Variants in RNF17 observed in about 807,000 individuals in gnomAD.
RNF17 encodes ring finger protein 17, also known as spermatogenesis associated 23.
A neutral mutation model predicts 200.5 loss-of-function variants in RNF17; 31 were observed. The ratio of observed to expected loss-of-function variants is 0.15; its 90% CI spans 0.12 to 0.21. The LOEUF (loss-of-function observed/expected upper bound fraction) is 0.21. RNF17 is among the 10% of genes least tolerant of loss of function. The probability of loss-of-function intolerance (pLI) is 1.00; values close to 1 mark genes in which losing one functional copy is unlikely to be tolerated. For synonymous variants in RNF17, 606 were observed against 637.8 expected, an observed-to-expected ratio of 0.95 and a Z score of 0.75; for missense variants, 1,628 against 1,905.1, an observed-to-expected ratio of 0.85 and a Z score of 2.71.
intron 6 of RNF17, among the ~76,000 whole-genome samples, chr13:24,784,312 CT>C (rs1334245547): frequency 6.6e-6 from 1 of 152,182 alleles, no homozygotes; most frequent in Non-Finnish European, 1.5e-5. Flanking sequence ...ATAAATGATA[CT>C]GCTCTACAGT....
At chr13:24,832,099 TTTG>T (rs1889476711) in intron 18 of RNF17, 121 bp downstream of exon 18, 2 of 681,638 alleles carry the variant, frequency 2.9e-6, no homozygotes, top group Admixed American at 3.3e-5. Flanking sequence ...AGAGATAAGA[TTTG>T]TTGAGAATTA....
intron 15 of RNF17, among the ~76,000 whole-genome samples, chr13:24,809,994 T>G (rs1886394534): frequency 6.6e-6 from 1 of 152,222 alleles, no homozygotes; most frequent in Admixed American, 6.5e-5. Flanking sequence ...GATTGCACTG[T>G]CATCTGAGAG....
chr13:24,767,702 T>A (rs564310880), intron 2 of RNF17, among the ~76,000 whole-genome samples: 1 of 147,718 alleles, frequency 6.8e-6, no homozygotes, highest in Non-Finnish European at 1.5e-5. Flanking sequence ...GAGCCAAGAT[T>A]GCACCACTGC....
intron 17 of RNF17, 79 bp from the exon 18 acceptor site, chr13:24,831,779 A>G: frequency 8.1e-7 from 1 of 1,238,676 alleles, no homozygotes; most frequent in Non-Finnish European, 1.1e-6. Context: ...TTAGTTTTGT[A>G]CACACTTAAT....
the RNF17 span, among the ~76,000 whole-genome samples, chr13:24,752,572 T>C: frequency 6.6e-6 from 1 of 152,240 alleles, no homozygotes; most frequent in East Asian, 1.9e-4. Context: ...GAAACTCTGA[T>C]ATATATACAC....
chr13:24,770,062 C>T (rs1045792379), intron 2 of RNF17, among the ~76,000 whole-genome samples: 1 of 151,926 alleles, frequency 6.6e-6, no homozygotes, highest in Non-Finnish European at 1.5e-5. Flanking sequence ...TACATTGGGC[C>T]ATGAAGAAAG....
upstream of RNF17, among the ~76,000 whole-genome samples, chr13:24,762,640 T>C (rs903114379): frequency 1.2e-4 from 19 of 152,162 alleles, no homozygotes; most frequent in African/African-American, 4.6e-4. Flanking sequence ...AGTGAGCCTT[T>C]CAAGAGAATA....
At chr13:24,809,409 A>G (rs578157922) in intron 15 of RNF17, among the ~76,000 whole-genome samples, 65 of 151,952 alleles carry the variant, frequency 4.3e-4, no homozygotes, top group African/African-American at 1.5e-3. Flanking sequence ...TTTCTTCTAG[A>G]TTTTCTAGTT....
At chr13:24,826,780 G>T (rs1181324614) in intron 16 of RNF17, among the ~76,000 whole-genome samples, 1 of 149,794 alleles carries the variant, frequency 6.7e-6, no homozygotes, top group Non-Finnish European at 1.5e-5. Flanking sequence ...GAAAAAAAAG[G>T]CCGGGTGCGG....
chr13:24,866,085 G>A, intron 29 of RNF17, 59 bp from the exon 30 acceptor site: 1 of 925,584 alleles, frequency 1.1e-6, no homozygotes, highest in East Asian at 2.5e-5. Context: ...ATGAAATATG[G>A]AAAGTACCTT....
chr13:24,830,594 G>C lies in RNF17; in HGVS notation c.2356G>C (p.Glu786Gln). The stretch of plus-strand genomic sequence containing the variant: ...AAAGGATGAGTTTCTGAATGCCCCA[G>C]AGAAGGTAATTTATTTATTATGAAT... ...KIKDEFLNAP[E>Q]KAIKCKLAYI... The change falls in exon 17 of 36, where the codon GAG (glutamate) becomes CAG (glutamine). Residue 786 changes from glutamate to glutamine, a missense_variant. By Grantham distance (29) the Glu-to-Gln change is conservative. Around this residue, in one of 5 missense-constraint regions of RNF17, gnomAD observed 227 missense variants for 319.8 expected, o/e 0.71. Coordinates refer to ENST00000255324, the MANE Select transcript of RNF17 (RefSeq NM_031277.3). The C allele has an allele frequency of 6.3e-7, 1 of 1,592,608 alleles. No homozygotes were observed. Among genetic ancestry groups the C allele is most frequent in the Non-Finnish European group, 8.6e-7 (1 of 1,163,182 alleles).
chr13:24,784,799 C>T (rs1235927486), intron 6 of RNF17, among the ~76,000 whole-genome samples: 4 of 152,022 alleles, frequency 2.6e-5, no homozygotes, highest in Non-Finnish European at 5.9e-5. Context: ...CTCTGTATCC[C>T]GGGTTCAAGT....
At chr13:24,847,344 TA>T (rs1200197944) in intron 22 of RNF17, among the ~76,000 whole-genome samples, 7 of 95,402 alleles carry the variant, frequency 7.3e-5, no homozygotes, top group South Asian at 4.8e-4. Context: ...TTTATTTATT[TA>T]TTTATTTTTT....
rs111306202 is a variant in RNF17 at position 24,873,575 on chromosome 13, T to C, written c.4448-539T>C. Among the ~76,000 whole-genome samples, 7 of 152,332 alleles carry C rather than the reference T, an allele frequency of 4.6e-5. 1 individual carries two copies. Among genetic ancestry groups the C allele is most frequent in the African/African-American group, 1.7e-4 (7 of 41,586 alleles). On this transcript the variant is annotated intron_variant, in intron 32 of 35. Coordinates refer to ENST00000255324, the MANE Select transcript of RNF17 (RefSeq NM_031277.3). ...TGTGTTGGAAACATTTCAAGACTTC[T>C]AGTTAATCTGAAATATACAATCCAT...
chr13:24,841,076 T>A (rs1224886300), intron 18 of RNF17, among the ~76,000 whole-genome samples: 1 of 152,206 alleles, frequency 6.6e-6, no homozygotes, highest in Non-Finnish European at 1.5e-5. Flanking sequence ...AAGAAATTTG[T>A]CTACCATATT....
chr13:24,809,988 G>A (rs1005149886), intron 15 of RNF17, among the ~76,000 whole-genome samples: 5 of 152,150 alleles, frequency 3.3e-5, no homozygotes, highest in Non-Finnish European at 5.9e-5. Flanking sequence ...TAGTTTGATT[G>A]CACTGTCATC....
chr13:24,811,733 TCC>T (rs1593313259), intron 15 of RNF17, among the ~76,000 whole-genome samples: 1 of 141,878 alleles, frequency 7.0e-6, no homozygotes, highest in East Asian at 2.2e-4. Flanking sequence ...TTTTAGAGTT[TCC>T]AGTTTTTCTG....
At position 24,843,662 on chromosome 13, in the gene RNF17, TCAC is replaced by T. The variant is rs1890927255; in HGVS notation, c.2604-81_2604-79del. The stretch of plus-strand genomic sequence containing the variant: ...TGACAAAATAGTCATATAAGTATCA[TCAC>T]AGTCAAGATACAGACCTGAGCAAAT... On this transcript the variant is annotated intron_variant, in intron 19 of 35. Coordinates refer to ENST00000255324, the MANE Select transcript of RNF17 (RefSeq NM_031277.3). The T allele has an allele frequency of 2.8e-5, 21 of 751,582 alleles. No individual in the cohort carries two copies. The South Asian group carries it at 3.2e-4, about 11-fold the overall frequency. The allele number at this position is 751,582 out of a possible 1,614,324, so 46.6% of individuals were successfully genotyped here. A position where few individuals can be genotyped will look rare whatever the true frequency, so the allele number is the denominator to read the frequency against.
intron 9 of RNF17, among the ~76,000 whole-genome samples, chr13:24,790,251 A>G (rs756275332): frequency 6.6e-6 from 1 of 152,146 alleles, no homozygotes; most frequent in Non-Finnish European, 1.5e-5. Context: ...AAAAGGAAGT[A>G]TGCATCTTAT....
Sources: gnomAD v4.1 joint callset for allele counts (sites outside exome capture counted in the v4.1 genomes callset) on GRCh38, gnomAD v4.1.1 for gene constraint, gnomAD v4.1.1 regional missense constraint, MANE v1.5 for transcripts, NCBI Gene and HGNC (gene_info 2026-07-23, HGNC 2026-07-21) for gene names.